AGMO: variants seen among roughly 807,000 people sequenced by gnomAD.
The protein encoded by AGMO is alkylglycerol monooxygenase, also known as glyceryl-ether monooxygenase.
Under a neutral mutation model 60.2 loss-of-function variants are expected in AGMO, and 75 were observed. The ratio of observed to expected loss-of-function variants is 1.25; its 90% CI spans 1.03 to 1.51. AGMO has a LOEUF of 1.51. Among genes scored for constraint, AGMO ranks in the 40% most tolerant of loss-of-function variants. AGMO has a pLI of 0.00. For missense variants in AGMO, 763 were observed against 525.5 expected (o/e 1.45, Z -4.42); for synonymous variants, 261 against 177.1 (o/e 1.47, Z -3.76).
At chr7:15,326,178 AGGG>A (rs755861581) in intron 12 of AGMO, among the ~76,000 whole-genome samples, 1 of 152,110 alleles carries the variant, frequency 6.6e-6, no homozygotes, top group Non-Finnish European at 1.5e-5. Context: ...TTTGAATTAA[AGGG>A]GGGGTTAAGG....
At chr7:15,166,698 G>C in the AGMO span, among the ~76,000 whole-genome samples, 1 of 152,222 alleles carries the variant, frequency 6.6e-6, no homozygotes, top group Non-Finnish European at 1.5e-5. Context: ...AGTCAAAGCA[G>C]TGAAGGTGAT....
intron 9 of AGMO, among the ~76,000 whole-genome samples, chr7:15,386,421 T>C (rs1783916844): frequency 6.6e-6 from 1 of 152,164 alleles, no homozygotes; most frequent in Admixed American, 6.5e-5. Context: ...CACTTTGAGT[T>C]ATCTATTGAC....
At chr7:15,352,674 C>G (rs1782292589) in intron 12 of AGMO, among the ~76,000 whole-genome samples, 2 of 151,748 alleles carry the variant, frequency 1.3e-5, no homozygotes, top group African/African-American at 4.8e-5. Flanking sequence ...AACAGCAAGC[C>G]CATAATGAGT....
chr7:15,415,775 A>T (rs1329270896), intron 5 of AGMO, among the ~76,000 whole-genome samples: 1 of 152,158 alleles, frequency 6.6e-6, no homozygotes, highest in African/African-American at 2.4e-5. Flanking sequence ...AAAAATACTT[A>T]AAACCTTCCA....
chr7:15,548,709 T>C (rs1488843012), intron 2 of AGMO, among the ~76,000 whole-genome samples: 1 of 152,162 alleles, frequency 6.6e-6, no homozygotes, highest in African/African-American at 2.4e-5. Flanking sequence ...CTGAAGGTGA[T>C]GGGGAGAATG....
intron 12 of AGMO, among the ~76,000 whole-genome samples, chr7:15,338,611 T>G (rs999656439): frequency 2.0e-5 from 3 of 152,082 alleles, no homozygotes; most frequent in Non-Finnish European, 2.9e-5. Context: ...TGAAACAACT[T>G]TAAGACTAAT....
chr7:15,293,444 GATTT>G (rs1246469222), intron 12 of AGMO, among the ~76,000 whole-genome samples: 11 of 152,038 alleles, frequency 7.2e-5, no homozygotes, highest in Admixed American at 2.0e-4. Flanking sequence ...GTGAGAGAAG[GATTT>G]ATTTGCCTCC....
chr7:15,354,382 A>ACACG lies in AGMO; in HGVS notation c.1263+11131_1263+11132insCGTG, dbSNP rs1442996703. 8.0e-3 allele frequency among the ~76,000 whole-genome samples: 383 copies of ACACG among 47,704 alleles called. 29 individuals carry two copies. The highest frequency in any genetic ancestry group is 0.014 in the African/African-American group (85 of 6,236). The allele number at this position is 47,704 out of a possible 152,430, so 31.3% of individuals were successfully genotyped here. ...CGTGTGTATATAGACGTGTGTATAC[A>ACACG]CGTGTGTGTATACACGTGTGTGTAC... On this transcript the variant is annotated intron_variant, in intron 12 of 12. Coordinates refer to ENST00000342526, the MANE Select transcript of AGMO (RefSeq NM_001004320.2).
chr7:15,389,571 C>T (rs962503749), intron 8 of AGMO, among the ~76,000 whole-genome samples: 4 of 152,036 alleles, frequency 2.6e-5, no homozygotes, highest in Non-Finnish European at 5.9e-5. Context: ...GATAAAAATG[C>T]CTTTCACTGA....
the AGMO span, among the ~76,000 whole-genome samples, chr7:15,169,765 G>C: frequency 6.6e-6 from 1 of 152,128 alleles, no homozygotes; most frequent in Non-Finnish European, 1.5e-5. Flanking sequence ...ACTTTACTTG[G>C]AACAGTTGGA....
At chr7:15,315,463 G>C (rs1173937530) in intron 12 of AGMO, among the ~76,000 whole-genome samples, 3 of 146,484 alleles carry the variant, frequency 2.0e-5, no homozygotes, top group Non-Finnish European at 4.5e-5. Context: ...TCAGCCTCCA[G>C]AGTAGCTGGG....
chr7:15,299,731 G>A (rs1168138126), intron 12 of AGMO, among the ~76,000 whole-genome samples: 2 of 151,870 alleles, frequency 1.3e-5, no homozygotes, highest in East Asian at 3.9e-4. Context: ...GGGAGGCTGA[G>A]GCAGGAGAAT....
rs1563105748 is a variant in AGMO, at chr7:15,354,457, CACACGTGT to C, written c.1263+11049_1263+11056del. On this transcript the variant is annotated intron_variant, in intron 12 of 12. Transcript: ENST00000342526. ...GTGTGTATACACACGTGTGTGTATA[CACACGTGT>C]GTGTATACACACGTGTGTATATACA... Among the ~76,000 whole-genome samples, 78 of 17,590 alleles carry C rather than the reference CACACGTGT, an allele frequency of 4.4e-3. 7 individuals are homozygous for C. The highest frequency in any genetic ancestry group is 0.026 in the African/African-American group (70 of 2,726). 11.5% of individuals were successfully genotyped at this position (17,590 alleles called of 152,430 possible).
At chr7:15,205,615 G>A (rs978315032) in intron 12 of AGMO, among the ~76,000 whole-genome samples, 2 of 152,040 alleles carry the variant, frequency 1.3e-5, no homozygotes, top group African/African-American at 4.8e-5. Flanking sequence ...ACTTTGTAAA[G>A]GAAGAAATTT....
At chr7:15,356,366 A>G (rs1327246254) in intron 12 of AGMO, among the ~76,000 whole-genome samples, 1 of 152,218 alleles carries the variant, frequency 6.6e-6, no homozygotes, top group African/African-American at 2.4e-5. Flanking sequence ...GGATACAAGT[A>G]CAGGCAACAA....
At chr7:15,276,405 T>C (rs1226442119) in intron 12 of AGMO, among the ~76,000 whole-genome samples, 2 of 152,170 alleles carry the variant, frequency 1.3e-5, no homozygotes, top group Non-Finnish European at 2.9e-5. Flanking sequence ...AAATCCAGTG[T>C]TAATCTGATG....
intron 12 of AGMO, among the ~76,000 whole-genome samples, chr7:15,311,424 T>A (rs1583393166): frequency 6.6e-6 from 1 of 152,110 alleles, no homozygotes; most frequent in East Asian, 1.9e-4. Flanking sequence ...AATGATCCTA[T>A]CCTACCTTTC....
At chr7:15,437,654 C>A (rs1047322831) in intron 3 of AGMO, among the ~76,000 whole-genome samples, 3 of 152,034 alleles carry the variant, frequency 2.0e-5, no homozygotes, top group African/African-American at 4.8e-5. Flanking sequence ...CCCGCCTCAC[C>A]CTCCCAAGTA....
the AGMO span, among the ~76,000 whole-genome samples, chr7:15,194,260 C>T: frequency 6.6e-6 from 1 of 152,000 alleles, no homozygotes; most frequent in African/African-American, 2.4e-5. Context: ...TGAGATGAAA[C>T]TGGTATCTTT....
Sources: allele counts gnomAD v4.1 joint callset (sites outside exome capture counted in the v4.1 genomes callset), GRCh38; gene constraint gnomAD v4.1.1; transcripts MANE v1.5; gene names NCBI Gene and HGNC (gene_info 2026-07-23, HGNC 2026-07-21).